Variants in NOTCH2 observed in about 807,000 individuals in gnomAD.
NOTCH2 encodes the protein notch receptor 2, also known as neurogenic locus notch homolog protein 2.
Under a neutral mutation model 235.8 loss-of-function variants are expected in NOTCH2, and 29 were observed. The ratio of observed to expected loss-of-function variants is 0.12; its 90% CI spans 0.09 to 0.17. NOTCH2 has a LOEUF of 0.17. Among genes scored for constraint, NOTCH2 ranks in the 10% least tolerant of loss-of-function variants. The pLI is 1.00. For missense variants in NOTCH2, 2,285 were observed against 3,150.2 expected, an observed-to-expected ratio of 0.73 and a Z score of 6.57; for synonymous variants, 1,086 against 1,141.5, an observed-to-expected ratio of 0.95 and a Z score of 0.98.
At position 119,911,935 on chromosome 1, in the gene NOTCH2, G is replaced by T; in HGVS notation, c.*3371C>A. On this transcript the variant is annotated 3_prime_UTR_variant, in exon 34 of 34. Transcript: ENST00000256646. ...AAAGGAAGAAAAAAAGAAGTTTGGT[G>T]CTAGGCTTTGTGGGATTCAGAAAGA... The T allele has an allele frequency of 4.3e-6, 1 of 233,266 alleles. No individual in the cohort carries two copies. The highest frequency in any genetic ancestry group is 8.5e-6 in the Non-Finnish European group (1 of 118,044). The allele number at this position is 233,266 out of a possible 1,614,324, so 14.4% of individuals were successfully genotyped here. A position where few individuals can be genotyped will look rare whatever the true frequency, so the allele number is the denominator to read the frequency against.
At position 119,916,685 on chromosome 1, in the gene NOTCH2, G is replaced by A. The variant is rs752104745; in HGVS notation, c.6037C>T (p.Pro2013Ser). 1.1e-5 allele frequency: 18 copies of A among 1,614,132 alleles called. 1 individual carries two copies. Among genetic ancestry groups the A allele is most frequent in the Non-Finnish European group, 1.5e-5 (18 of 1,180,028 alleles). ...CCCTCCCGGGCAGCAAGAAACAGAG[G>A]TGTCTCTTCCTACAGAAAAGGCCCA... is the stretch of plus-strand genomic sequence containing the variant. ...RDMQDNKEETPLFLAAREGSY... is the reference protein window; with the variant it reads ...RDMQDNKEETSLFLAAREGSY... The change falls in exon 34 of 34, where the codon CCT (proline) becomes TCT (serine). Residue 2013 changes from proline (P) to serine (S), a missense_variant. Pro to Ser is a moderately conservative substitution (Grantham distance 74). This residue lies in a region of NOTCH2 where 128 missense variants were observed against 255.9 expected (regional missense o/e 0.50). Coordinates refer to ENST00000256646, the MANE Select transcript of NOTCH2 (RefSeq NM_024408.4).
At chr1:119,929,257 C>T in intron 22 of NOTCH2, 45 bp from the exon 23 acceptor site, 8 of 1,539,322 alleles carry the variant, frequency 5.2e-6, no homozygotes, top group Non-Finnish European at 5.4e-6. Flanking sequence ...ATCCTTTTAA[C>T]CTGCTTTCCA....
chr1:119,987,355 AG>A (rs2101185874), intron 4 of NOTCH2, among the ~76,000 whole-genome samples: 1 of 152,334 alleles, frequency 6.6e-6, no homozygotes, highest in South Asian at 2.1e-4. Context: ...ATAAAATCCC[AG>A]GGATGATAAA....
chr1:119,966,255 A>T lies in NOTCH2; in HGVS notation c.1567+121T>A. On this transcript the variant is annotated intron_variant, in intron 9 of 33. Transcript: ENST00000256646. ...TCTGTACACACACACTCCTATCACC[A>T]AGCACTTACTCTAATGATTTCCTCA... The T allele has an allele frequency of 5.2e-6, 4 of 773,098 alleles. 1 individual carries two copies. The Middle Eastern group carries it at 7.1e-4, about 136-fold the overall frequency. 47.9% of individuals were successfully genotyped at this position (773,098 alleles called of 1,614,324 possible).
rs1648923748 is a variant in NOTCH2 at position 119,912,380 on chromosome 1, C to T, written c.*2926G>A. 1 of 233,202 alleles carries T rather than the reference C, an allele frequency of 4.3e-6. No homozygotes were observed. Among genetic ancestry groups the T allele is most frequent in the African/African-American group, 2.2e-5 (1 of 45,290 alleles). 14.4% of individuals were successfully genotyped at this position (233,202 alleles called of 1,614,324 possible). A position where few individuals can be genotyped will look rare whatever the true frequency, so the allele number is the denominator to read the frequency against. ...CCAAAATCCCTAAACCACCTCTCAA[C>T]AAAACATTACACCTTTGGTTCTTTA... On this transcript the variant is annotated 3_prime_UTR_variant, in exon 34 of 34. Coordinates refer to ENST00000256646, the MANE Select transcript of NOTCH2 (RefSeq NM_024408.4).
chr1:120,003,372 CAA>C (rs1491312280), intron 3 of NOTCH2, among the ~76,000 whole-genome samples: 1 of 149,752 alleles, frequency 6.7e-6, no homozygotes, highest in Non-Finnish European at 1.5e-5. Context: ...TAAAGATTGC[CAA>C]TATATATATA....
chr1:119,952,694 C>T (rs1223193178), intron 14 of NOTCH2, among the ~76,000 whole-genome samples: 3 of 152,144 alleles, frequency 2.0e-5, no homozygotes. Context: ...ACTGGCTGCT[C>T]ACCTCCTGCT....
At chr1:119,964,307 T>G (rs1651057723) in intron 10 of NOTCH2, among the ~76,000 whole-genome samples, 2 of 152,168 alleles carry the variant, frequency 1.3e-5, no homozygotes, top group Non-Finnish European at 2.9e-5. Flanking sequence ...TTGAATAAAA[T>G]GAATGAACCT....
rs587735797 is a variant in NOTCH2 at position 119,925,638 on chromosome 1, C to T, written c.4178G>A (p.Arg1393His). 9 of 1,613,038 alleles carry T rather than the reference C, an allele frequency of 5.6e-6. No homozygotes were observed. Among genetic ancestry groups the T allele is most frequent in the Middle Eastern group, 1.7e-4 (1 of 6,058 alleles). The part of the protein sequence containing the change: ...CQHGGSCHPQ[R>H]QPPYYSCQCA... ...CTGGCAGGAGTAATAAGGAGGCTGGCGCTGAGGGTGGCAGCTGCCCCCGTG... is the reference window on the plus strand; with the variant it reads ...CTGGCAGGAGTAATAAGGAGGCTGGTGCTGAGGGTGGCAGCTGCCCCCGTG... Residue 1393 changes from arginine to histidine, a missense_variant, in exon 25 of 34, where the codon CGC becomes CAC. Arg to His is a conservative substitution (Grantham distance 29). Coordinates refer to ENST00000256646, the MANE Select transcript of NOTCH2 (RefSeq NM_024408.4).
intron 1 of NOTCH2, among the ~76,000 whole-genome samples, chr1:120,036,785 C>T (rs1654317454): frequency 6.8e-6 from 1 of 147,154 alleles, no homozygotes; most frequent in Admixed American, 6.8e-5. Flanking sequence ...TGATTTTAAC[C>T]AGTTCCAGCG....
intron 16 of NOTCH2, 69 bp downstream of exon 16, chr1:119,948,938 C>A (rs1185857391): frequency 1.7e-5 from 28 of 1,603,530 alleles, no homozygotes; most frequent in Non-Finnish European, 2.4e-5. Context: ...TCCATATGAT[C>A]TGATAACCTG....
intron 1 of NOTCH2, among the ~76,000 whole-genome samples, chr1:120,060,520 C>T (rs1178656288): frequency 1.7e-4 from 25 of 150,740 alleles, no homozygotes; most frequent in Non-Finnish European, 3.0e-5. Context: ...AAACCAAAGA[C>T]GTATACCAAA....
chr1:119,919,152 C>T (rs995647260), intron 31 of NOTCH2, among the ~76,000 whole-genome samples, 160 bp downstream of exon 31: 2 of 152,232 alleles, frequency 1.3e-5, no homozygotes, highest in Non-Finnish European at 2.9e-5. Flanking sequence ...TTGCCTGCCT[C>T]CCTTTTCCCA....
chr1:119,920,166 A>C (rs1649232688), intron 30 of NOTCH2, 63 bp downstream of exon 30: 2 of 1,592,878 alleles, frequency 1.3e-6, no homozygotes, highest in Non-Finnish European at 1.7e-6. Context: ...AAACACAGGG[A>C]CAACAATGTG....
At position 119,920,293 on chromosome 1, in the gene NOTCH2, C is replaced by T. The variant is rs1649237683; in HGVS notation, c.5415G>A (p.Leu1805=). ...EAADIRRTPS[L]ALTPPQAEQE... is the part of the protein sequence containing the mutation. ...GCTCTGCCTGAGGAGGGGTGAGAGC[C>T]AGCGATGGTGTCCTACGGATGTCTG... The change falls in exon 30 of 34, where the codon CTG becomes CTA. Residue 1805 remains leucine (L), a synonymous_variant. Coordinates refer to ENST00000256646, the MANE Select transcript of NOTCH2 (RefSeq NM_024408.4). The T allele has an allele frequency of 1.9e-6, 3 of 1,614,204 alleles. No individual in the cohort carries two copies. Among genetic ancestry groups the T allele is most frequent in the Non-Finnish European group, 2.5e-6 (3 of 1,180,022 alleles).
chr1:120,027,845 A>G (rs1215647650), intron 2 of NOTCH2, among the ~76,000 whole-genome samples: 1 of 146,932 alleles, frequency 6.8e-6, no homozygotes, highest in Non-Finnish European at 1.5e-5. Flanking sequence ...CATCATGTAT[A>G]CATGCCACAT....
At chr1:120,065,577 T>C (rs1180531234) in intron 1 of NOTCH2, among the ~76,000 whole-genome samples, 2 of 152,150 alleles carry the variant, frequency 1.3e-5, no homozygotes, top group Non-Finnish European at 2.9e-5. Flanking sequence ...CCATGAACAA[T>C]GAACATCAGA....
At chr1:120,010,888 T>C (rs1178364853) in intron 2 of NOTCH2, among the ~76,000 whole-genome samples, 2 of 152,064 alleles carry the variant, frequency 1.3e-5, no homozygotes, top group African/African-American at 4.8e-5. Flanking sequence ...TATAAGCTGA[T>C]GAACAGATAA....
Position 119,915,510 on chromosome 1 carries a change from G to A in NOTCH2, c.7212C>T (p.His2404=), listed in dbSNP as rs765408133. ...SSNAAERTPS[H]SGHLQGEHPY... is the part of the protein sequence containing the mutation. ...GATGCTCACCCTGGAGGTGACCACTGTGACTGGGTGTTCGCTCAGCAGCAT... is the reference window on the plus strand; with the variant it reads ...GATGCTCACCCTGGAGGTGACCACTATGACTGGGTGTTCGCTCAGCAGCAT... The change falls in exon 34 of 34, where the codon CAC becomes CAT. Residue 2404 remains histidine (H), a synonymous_variant. Coordinates refer to ENST00000256646, the MANE Select transcript of NOTCH2 (RefSeq NM_024408.4). 1 of 1,614,034 alleles carries A rather than the reference G, an allele frequency of 6.2e-7. No homozygotes were observed. The highest frequency in any genetic ancestry group is 2.2e-5 in the East Asian group (1 of 44,898).
Sources: allele counts gnomAD v4.1 joint callset (sites outside exome capture counted in the v4.1 genomes callset), GRCh38; gene constraint gnomAD v4.1.1; regional missense constraint gnomAD v4.1.1; transcripts MANE v1.5; gene names NCBI Gene and HGNC (gene_info 2026-07-23, HGNC 2026-07-21).